Variants in PTPN13 observed in about 807,000 individuals in gnomAD.
PTPN13 encodes protein tyrosine phosphatase non-receptor type 13, also known as tyrosine-protein phosphatase non-receptor type 13.
Under a neutral mutation model 284.0 loss-of-function variants are expected in PTPN13, and 191 were observed. That is an observed-to-expected ratio of 0.67 (90% CI 0.60 to 0.76). The LOEUF is 0.76. Ranked by LOEUF, PTPN13 falls within the 30% of genes least tolerant of loss-of-function variation. PTPN13 has a pLI of 0.00. For synonymous variants in PTPN13, 986 were observed against 1,022.3 expected, an observed-to-expected ratio of 0.96 and a Z score of 0.68; for missense variants, 2,797 against 2,939.9, an observed-to-expected ratio of 0.95 and a Z score of 1.12.
chr4:86,670,298 A>G (rs534218137), intron 2 of PTPN13, among the ~76,000 whole-genome samples: 2 of 148,210 alleles, frequency 1.3e-5, no homozygotes, highest in South Asian at 4.5e-4. Context: ...AAATTGCCTA[A>G]TTGACATCCC....
intron 1 of PTPN13, among the ~76,000 whole-genome samples, chr4:86,629,549 G>A (rs983205139): frequency 6.6e-6 from 1 of 152,144 alleles, no homozygotes; most frequent in Non-Finnish European, 1.5e-5. Context: ...TAGCAAAGAT[G>A]TTTAATTTTG....
chr4:86,755,413 A>C (rs1320456157), intron 20 of PTPN13, among the ~76,000 whole-genome samples: 2 of 77,422 alleles, frequency 2.6e-5, no homozygotes, highest in African/African-American at 4.7e-5. Flanking sequence ...AAAAATATGT[A>C]AAAACTTTTC....
chr4:86,634,108 A>G (rs1578296407), intron 1 of PTPN13, among the ~76,000 whole-genome samples: 1 of 152,324 alleles, frequency 6.6e-6, no homozygotes, highest in East Asian at 1.9e-4. Context: ...AGTACCATAA[A>G]TGTAAATTAA....
Position 86,803,727 on chromosome 4 carries a change from A to G in PTPN13, c.6524A>G (p.Asn2175Ser), listed in dbSNP as rs1744327597. The G allele has an allele frequency of 1.2e-6, 2 of 1,613,514 alleles. No homozygotes were observed. The highest frequency in any genetic ancestry group is 1.3e-5 in the African/African-American group (1 of 74,894). Residue 2175 changes from asparagine (N) to serine (S), a missense_variant, in exon 43 of 48, where the codon AAC (asparagine) becomes AGC (serine). Physicochemically the swap from Asn to Ser is conservative, Grantham distance 46. Transcript: ENST00000411767. ...CTATTAGATCATTCCTTTCTGACAA[A>G]CGATGAGCTCGCTGTACTCCCTGTC... The part of the protein sequence containing the change: ...DSDKDHSFLT[N>S]DELAVLPVVK...
intron 1 of PTPN13, among the ~76,000 whole-genome samples, chr4:86,610,459 A>G (rs1385610495): frequency 6.6e-6 from 1 of 152,240 alleles, no homozygotes; most frequent in East Asian, 1.9e-4. Flanking sequence ...GCCTAAATCA[A>G]GTGTCACTAG....
intron 1 of PTPN13, among the ~76,000 whole-genome samples, chr4:86,612,465 G>C (rs766079352): frequency 6.6e-6 from 1 of 152,186 alleles, no homozygotes; most frequent in Non-Finnish European, 1.5e-5. Context: ...TATGAAATTT[G>C]AGTCCCTGAA....
intron 2 of PTPN13, among the ~76,000 whole-genome samples, chr4:86,642,376 A>C (rs1196679001): frequency 3.3e-5 from 5 of 151,362 alleles, no homozygotes; most frequent in African/African-American, 1.2e-4. Context: ...TTTACTAAGA[A>C]TCTTCCTGTG....
At chr4:86,786,309 A>G (rs939639635) in intron 40 of PTPN13, among the ~76,000 whole-genome samples, 17 of 152,212 alleles carry the variant, frequency 1.1e-4, no homozygotes, top group Admixed American at 1.0e-3. Context: ...CACCCTATGT[A>G]TACAAATCTG....
At chr4:86,596,016 G>T (rs112260269) in intron 1 of PTPN13, among the ~76,000 whole-genome samples, 7,055 of 152,216 alleles carry the variant, frequency 0.046, 221 homozygotes, top group African/African-American at 0.06. Context: ...AGGAGCATTT[G>T]TTAGTAAATT....
intron 1 of PTPN13, among the ~76,000 whole-genome samples, chr4:86,621,740 A>G (rs559903872): frequency 1.3e-5 from 2 of 152,276 alleles, no homozygotes; most frequent in African/African-American, 2.4e-5. Context: ...AGAGTTTGTC[A>G]TAAGTAGTTG....
chr4:86,791,990 CTG>C (rs1423293846), intron 40 of PTPN13, among the ~76,000 whole-genome samples: 2 of 152,128 alleles, frequency 1.3e-5, no homozygotes, highest in African/African-American at 2.4e-5. Flanking sequence ...GGGAACAAAA[CTG>C]GACAGAGGAT....
intron 1 of PTPN13, among the ~76,000 whole-genome samples, chr4:86,630,775 C>T (rs1055376891): frequency 6.6e-6 from 1 of 152,146 alleles, no homozygotes; most frequent in African/African-American, 2.4e-5. Context: ...ATTAATCTGT[C>T]TCCAGACAGG....
At position 86,802,146 on chromosome 4, in the gene PTPN13, AGTGTGTGTGTGTGT is replaced by A. The variant is rs55759778; in HGVS notation, c.6506-1543_6506-1530del. On this transcript the variant is annotated intron_variant, in intron 42 of 47. Transcript: ENST00000411767. Reference sequence around the variant, plus strand: ...TCTGTATATATGAGATCAAGATTTTAGTGTGTGTGTGTGTGTGTGTGTGTGTGTGTGTGGTGTGT... The same window carrying A: ...TCTGTATATATGAGATCAAGATTTTAGTGTGTGTGTGTGTGTGTGGTGTGT... 7.4e-5 allele frequency among the ~76,000 whole-genome samples: 10 copies of A among 135,204 alleles called. No homozygotes were observed. The South Asian group carries it at 1.4e-3, about 19-fold the overall frequency. 88.7% of individuals were successfully genotyped at this position (135,204 alleles called of 152,430 possible).
At chr4:86,791,497 A>G (rs1005558458) in intron 40 of PTPN13, among the ~76,000 whole-genome samples, 3 of 152,192 alleles carry the variant, frequency 2.0e-5, no homozygotes, top group East Asian at 1.9e-4. Flanking sequence ...GAAGAGAGCA[A>G]TGGTTCTCCC....
At chr4:86,762,610 G>A (rs564637100) in intron 23 of PTPN13, 117 bp from the exon 24 acceptor site, 20 of 778,470 alleles carry the variant, frequency 2.6e-5, no homozygotes, top group Admixed American at 5.2e-5. Context: ...TGACCTAATG[G>A]TGTTTTGTGT....
chr4:86,718,838 A>G (rs1428364431), intron 9 of PTPN13, among the ~76,000 whole-genome samples: 2 of 152,186 alleles, frequency 1.3e-5, no homozygotes, highest in African/African-American at 4.8e-5. Context: ...GGAAAACTCC[A>G]GTAAGTATTC....
chr4:86,792,778 G>A (rs1182967713), intron 40 of PTPN13, among the ~76,000 whole-genome samples: 1 of 152,202 alleles, frequency 6.6e-6, no homozygotes, highest in Non-Finnish European at 1.5e-5. Context: ...AAGTGAAGGA[G>A]AAATAAAATC....
At chr4:86,691,875 A>G (rs1377114163) in intron 5 of PTPN13, among the ~76,000 whole-genome samples, 1 of 152,156 alleles carries the variant, frequency 6.6e-6, no homozygotes, top group African/African-American at 2.4e-5. Context: ...CTTAACATTA[A>G]TTAGCGTGAG....
At chr4:86,749,373 A>T (rs1302259004) in intron 17 of PTPN13, among the ~76,000 whole-genome samples, 1 of 151,942 alleles carries the variant, frequency 6.6e-6, no homozygotes, top group East Asian at 1.9e-4. Context: ...TTTTCTTTAT[A>T]AAAGGAAGTT....
Sources: allele counts gnomAD v4.1 joint callset (sites outside exome capture counted in the v4.1 genomes callset), GRCh38; gene constraint gnomAD v4.1.1; transcripts MANE v1.5; gene names NCBI Gene and HGNC (gene_info 2026-07-23, HGNC 2026-07-21).